Variants in TBXAS1 observed in about 807,000 individuals in gnomAD.
TBXAS1 encodes the protein thromboxane-A synthase.
In TBXAS1, 48 loss-of-function variants were observed where a neutral mutation model predicts 60.7. The ratio of observed to expected loss-of-function variants is 0.79; its 90% CI spans 0.63 to 1.01. The LOEUF is 1.01. TBXAS1 is among the 50% of genes least tolerant of loss of function. The pLI is 0.00. For missense variants in TBXAS1, 685 were observed against 686.3 expected, an observed-to-expected ratio of 1.00 and a Z score of 0.02; for synonymous variants, 287 against 269.7, an observed-to-expected ratio of 1.06 and a Z score of -0.63.
chr7:139,895,352 G>T lies in TBXAS1; in HGVS notation c.237-15873G>T, dbSNP rs1464779733. On this transcript the variant is annotated intron_variant, in intron 3 of 12. Transcript: ENST00000448866. ...CTTTTGTTACCCTTGCTAATGGCCT[G>T]TAAGCTGCTTAAAGCCATGTCTTGC... Among the ~76,000 whole-genome samples, 3 of 152,346 alleles carry T rather than the reference G, an allele frequency of 2.0e-5. No homozygotes were observed. In the East Asian group the frequency reaches 5.8e-4, roughly 29 times the overall value.
rs1790032343 is a variant in TBXAS1 at position 139,872,218 on chromosome 7, T to C, written c.90-17T>C. The stretch of plus-strand genomic sequence containing the variant: ...CAACTTCATTTCTCAGCTTTTGAAA[T>C]CTGCTTTTCCCTCCAGGTACTCCAC... On this transcript the variant is annotated splice_polypyrimidine_tract_variant and intron_variant, in intron 1 of 12. Coordinates refer to ENST00000448866, the MANE Select transcript of TBXAS1 (RefSeq NM_001061.7). 1 of 1,610,346 alleles carries C rather than the reference T, an allele frequency of 6.2e-7. No homozygotes were observed. Among genetic ancestry groups the C allele is most frequent in the African/African-American group, 1.3e-5 (1 of 74,826 alleles).
chr7:139,892,020 C>G (rs1335652023), intron 3 of TBXAS1, among the ~76,000 whole-genome samples: 1 of 152,110 alleles, frequency 6.6e-6, no homozygotes, highest in East Asian at 1.9e-4. Flanking sequence ...GTAAGGCCAC[C>G]TTGGGATCCA....
At chr7:139,793,565 A>C (rs1043550376) in intron 4 of TBXAS1, among the ~76,000 whole-genome samples, 9 of 152,192 alleles carry the variant, frequency 5.9e-5, no homozygotes, top group Admixed American at 2.6e-4. Context: ...ACTGGGGCCA[A>C]ATGAAAGACT....
At chr7:139,979,842 A>G (rs895676228) in intron 9 of TBXAS1, among the ~76,000 whole-genome samples, 2 of 151,724 alleles carry the variant, frequency 1.3e-5, no homozygotes, top group African/African-American at 2.4e-5. Context: ...TTTTTTATGT[A>G]ACATTTGACA....
intron 1 of TBXAS1, among the ~76,000 whole-genome samples, chr7:139,867,776 C>T (rs1185553758): frequency 6.6e-6 from 1 of 152,088 alleles, no homozygotes. Flanking sequence ...GAGATTGTGC[C>T]ACTGCACTCC....
intron 4 of TBXAS1, chr7:139,797,566 G>C (rs1797605337): frequency 6.6e-6 from 1 of 152,172 alleles, no homozygotes; most frequent in Non-Finnish European, 1.5e-5. Flanking sequence ...GACTCAGCTG[G>C]TTGGCTAGAA....
At chr7:139,867,826 T>TAAATAAATA (rs367822550) in intron 1 of TBXAS1, among the ~76,000 whole-genome samples, 1 of 146,954 alleles carries the variant, frequency 6.8e-6, no homozygotes, top group African/African-American at 2.5e-5. Context: ...CGAAAATAAA[T>TAAATAAATA]AATAAATAAA....
chr7:139,800,809 C>G (rs934525636), intron 4 of TBXAS1, among the ~76,000 whole-genome samples: 1 of 152,194 alleles, frequency 6.6e-6, no homozygotes, highest in Non-Finnish European at 1.5e-5. Flanking sequence ...CCTCTGGAAT[C>G]CTGACCTAAA....
intron 1 of TBXAS1, among the ~76,000 whole-genome samples, chr7:139,842,437 C>T (rs915468892): frequency 5.3e-5 from 8 of 152,178 alleles, no homozygotes; most frequent in African/African-American, 1.9e-4. Flanking sequence ...ACAAACCTAA[C>T]AACTATCGCT....
intron 10 of TBXAS1, among the ~76,000 whole-genome samples, chr7:140,012,361 G>A (rs1383516307): frequency 5.9e-5 from 9 of 152,182 alleles, no homozygotes; most frequent in Non-Finnish European, 2.9e-5. Context: ...TGGGCTGAGA[G>A]GTGCAGGGAG....
intron 9 of TBXAS1, among the ~76,000 whole-genome samples, chr7:139,963,438 T>C (rs1186270505): frequency 1.3e-5 from 2 of 152,254 alleles, no homozygotes; most frequent in African/African-American, 4.8e-5. Context: ...AAGTCATTGA[T>C]TAAAATGTTG....
chr7:139,786,738 A>C (rs970329843), intron 3 of TBXAS1, among the ~76,000 whole-genome samples: 2 of 152,202 alleles, frequency 1.3e-5, no homozygotes, highest in African/African-American at 4.8e-5. Flanking sequence ...CAAATCAGTC[A>C]TGTTTCCAGT....
intron 3 of TBXAS1, among the ~76,000 whole-genome samples, chr7:139,907,585 G>C (rs902457561): frequency 6.6e-6 from 1 of 151,906 alleles, no homozygotes; most frequent in Non-Finnish European, 1.5e-5. Context: ...TAAAATTAGT[G>C]TTAATTCTTC....
rs1361912759 is a variant in TBXAS1 at position 139,865,825 on chromosome 7, G to A, written c.90-6410G>A. On this transcript the variant is annotated intron_variant, in intron 1 of 12. Transcript: ENST00000448866. ...GAAAGAAGGAAGGAAGGGAGGGAGG[G>A]AGGGAGGGGGGAAAGGAAGAAGGAA... is the stretch of plus-strand genomic sequence containing the variant. Among the ~76,000 whole-genome samples, 9 of 101,824 alleles carry A rather than the reference G, an allele frequency of 8.8e-5. 1 individual carries two copies. The highest frequency in any genetic ancestry group is 3.6e-4 in the African/African-American group (9 of 25,196). The allele number at this position is 101,824 out of a possible 152,430, so 66.8% of individuals were successfully genotyped here.
intron 3 of TBXAS1, among the ~76,000 whole-genome samples, chr7:139,901,294 C>T (rs777839278): frequency 7.9e-6 from 1 of 126,782 alleles, no homozygotes; most frequent in Non-Finnish European, 1.6e-5. Flanking sequence ...GGAATTGTTG[C>T]AAAATTGTTT....
At chr7:139,949,012 A>C (rs1808981978) in intron 5 of TBXAS1, among the ~76,000 whole-genome samples, 1 of 152,244 alleles carries the variant, frequency 6.6e-6, no homozygotes, top group South Asian at 2.1e-4. Flanking sequence ...CCAAATAAAA[A>C]TGTCATTATC....
intron 3 of TBXAS1, among the ~76,000 whole-genome samples, chr7:139,891,174 T>G (rs948669131): frequency 6.6e-6 from 1 of 152,036 alleles, no homozygotes; most frequent in Admixed American, 6.6e-5. Context: ...GGCATCCTTT[T>G]ATGGGACCTC....
rs977121696 is a variant in TBXAS1 at position 140,013,386 on chromosome 7, C to T, written c.1227-2337C>T. On this transcript the variant is annotated intron_variant, in intron 10 of 12. Transcript: ENST00000448866. The surrounding 1 kb of genome is among the most constrained non-coding windows in gnomAD (Gnocchi z 4.2). ...CACTGACACAGGTGGTCTCGATGCTCACTCCAAGAGTTGAGTTGTGTGGCT... is the reference window on the plus strand; with the variant it reads ...CACTGACACAGGTGGTCTCGATGCTTACTCCAAGAGTTGAGTTGTGTGGCT... Among the ~76,000 whole-genome samples, 1 of 152,202 alleles carries T rather than the reference C, an allele frequency of 6.6e-6. No individual in the cohort carries two copies. Among genetic ancestry groups the T allele is most frequent in the Admixed American group, 6.5e-5 (1 of 15,286 alleles).
intron 3 of TBXAS1, among the ~76,000 whole-genome samples, chr7:139,900,747 C>T (rs960237393): frequency 6.6e-6 from 1 of 152,240 alleles, no homozygotes; most frequent in Non-Finnish European, 1.5e-5. Context: ...CAGACCGGCT[C>T]TCTCCATGTG....
Sources: gnomAD v4.1 joint callset for allele counts (sites outside exome capture counted in the v4.1 genomes callset) on GRCh38, gnomAD v4.1.1 for gene constraint, Gnocchi (gnomAD v3.1) non-coding constraint, MANE v1.5 for transcripts, NCBI Gene and HGNC (gene_info 2026-07-23, HGNC 2026-07-21) for gene names.